The following UGT2A1 variants were observed in gnomAD, a reference collection of about 807,000 sequenced individuals.
The protein encoded by UGT2A1 is UDP glucuronosyltransferase family 2 member A1 complex locus, also known as UDP-glucuronosyltransferase 2A1.
UGT2A1 carries 61 observed loss-of-function variants against 45.4 expected under a neutral mutation model. The ratio of observed to expected loss-of-function variants is 1.34; its 90% CI spans 1.09 to 1.66. UGT2A1 has a LOEUF of 1.66. Among genes scored for constraint, UGT2A1 ranks in the 40% most tolerant of loss-of-function variants. The pLI, the probability that UGT2A1 is intolerant of heterozygous loss-of-function variation, is 0.00. For synonymous variants in UGT2A1, 229 were observed against 196.2 expected, an observed-to-expected ratio of 1.17 and a Z score of -1.40; for missense variants, 649 against 574.3, an observed-to-expected ratio of 1.13 and a Z score of -1.33.
In UGT2A1 at chr4:69,646,850, G is replaced by C. The variant is rs1394180624; in HGVS notation, c.715+80C>G. 4 of 980,242 alleles carry C rather than the reference G, an allele frequency of 4.1e-6. No homozygotes were observed. The African/African-American group carries it at 6.6e-5, about 16-fold the overall frequency. The allele number at this position is 980,242 out of a possible 1,614,324, so 60.7% of individuals were successfully genotyped here. A position where few individuals can be genotyped will look rare whatever the true frequency, so the allele number is the denominator to read the frequency against. ...CAATACTTGGAATTAAAAAAGAATA[G>C]ACATAGGGAAATAAAGAAGAGGCTC... On this transcript the variant is annotated intron_variant, in intron 2 of 6. Coordinates refer to ENST00000286604, the MANE Select transcript of UGT2A1 (RefSeq NM_001252275.3).
Position 69,594,651 on chromosome 4 carries a change from C to T in UGT2A1, c.1130G>A (p.Gly377Glu), listed in dbSNP as rs1409854105. The part of the protein sequence containing the change: ...KAFITHGGTN[G>E]IYEAIYHGVP... ...TCCGTGGTAAATAGCTTCGTAGATC[C>T]CATTAGTTCCACCATGAGTGATAAA... Residue 377 changes from glycine to glutamate, a missense_variant, in exon 6 of 7, where the codon GGG becomes GAG. Gly to Glu is a moderately conservative substitution (Grantham distance 98). Transcript: ENST00000286604. The T allele has an allele frequency of 6.2e-7, 1 of 1,614,010 alleles. No homozygotes were observed. The highest frequency in any genetic ancestry group is 8.5e-7 in the Non-Finnish European group (1 of 1,179,998).
intron 3 of UGT2A1, among the ~76,000 whole-genome samples, chr4:69,609,880 G>GA (rs1719929525): frequency 1.3e-5 from 2 of 152,030 alleles, no homozygotes; most frequent in Non-Finnish European, 1.5e-5. Flanking sequence ...AGAACTTGGG[G>GA]AAAAATAAAA....
At chr4:69,648,234 A>C (rs1378171523) in intron 1 of UGT2A1, among the ~76,000 whole-genome samples, 1 of 149,684 alleles carries the variant, frequency 6.7e-6, no homozygotes. Flanking sequence ...TAATACTTAT[A>C]AATAATATGT....
intron 4 of UGT2A1, among the ~76,000 whole-genome samples, chr4:69,597,883 T>C (rs1719033618): frequency 6.6e-6 from 1 of 152,176 alleles, no homozygotes; most frequent in Non-Finnish European, 1.5e-5. Flanking sequence ...GTATTCATAT[T>C]TCCCAAAGCC....
chr4:69,642,040 T>C (rs1054095894), intron 2 of UGT2A1, among the ~76,000 whole-genome samples: 1 of 151,758 alleles, frequency 6.6e-6, no homozygotes, highest in East Asian at 1.9e-4. Context: ...CATAAGGCAG[T>C]CACTCTCAGT....
At position 69,627,095 on chromosome 4, in the gene UGT2A1, T is replaced by C. The variant is rs114280839; in HGVS notation, c.847+8596A>G. The stretch of plus-strand genomic sequence containing the variant: ...TTACTGGAGTTTCATGTGTTTTCAA[T>C]GGACAAAGAGAGAAAATATATTTGC... On this transcript the variant is annotated intron_variant, in intron 3 of 6. Coordinates refer to ENST00000286604, the MANE Select transcript of UGT2A1 (RefSeq NM_001252275.3). Among the ~76,000 whole-genome samples the C allele has an allele frequency of 6.5e-3, 995 of 152,002 alleles. 12 individuals are homozygous for C. The highest frequency in any genetic ancestry group is 0.023 in the African/African-American group (947 of 41,530).
chr4:69,613,988 G>T (rs913253215), intron 3 of UGT2A1, among the ~76,000 whole-genome samples: 1 of 151,996 alleles, frequency 6.6e-6, no homozygotes, highest in East Asian at 1.9e-4. Context: ...GCAATTAGAC[G>T]AGTGAAAGAA....
chr4:69,643,921 C>T (rs1231582626), intron 2 of UGT2A1, among the ~76,000 whole-genome samples: 1 of 151,622 alleles, frequency 6.6e-6, no homozygotes, highest in Non-Finnish European at 1.5e-5. Flanking sequence ...TATCATTCTA[C>T]ATCCACAAAG....
chr4:69,625,412 A>G (rs972746179), intron 3 of UGT2A1, among the ~76,000 whole-genome samples: 7 of 151,064 alleles, frequency 4.6e-5, no homozygotes, highest in African/African-American at 1.7e-4. Context: ...TTGAAATAGT[A>G]TATGTTAGGA....
At chr4:69,616,446 A>G (rs1424081629) in intron 3 of UGT2A1, among the ~76,000 whole-genome samples, 2 of 151,988 alleles carry the variant, frequency 1.3e-5, no homozygotes, top group Admixed American at 6.6e-5. Context: ...TCCTGATTTG[A>G]TCATTACACA....
At chr4:69,602,663 CA>C (rs1295736583) in intron 3 of UGT2A1, among the ~76,000 whole-genome samples, 2 of 137,096 alleles carry the variant, frequency 1.5e-5, no homozygotes, top group Non-Finnish European at 3.1e-5. Flanking sequence ...ACTAAATTTC[CA>C]CTGAAAAACT....
At chr4:69,646,848 T>C in intron 2 of UGT2A1, 82 bp downstream of exon 2, 2 of 962,838 alleles carry the variant, frequency 2.1e-6, no homozygotes, top group East Asian at 2.5e-5. Context: ...TAAAAAAGAA[T>C]AGACATAGGG....
rs561297737 is a variant in UGT2A1 at position 69,593,915 on chromosome 4, A to C, written c.1304+562T>G. On this transcript the variant is annotated intron_variant, in intron 6 of 6. Transcript: ENST00000286604. ...GATTATCCAGAAAAAATGAGAATTTATATAATCATAGCATTCTTTATTTTG... is the reference window on the plus strand; with the variant it reads ...GATTATCCAGAAAAAATGAGAATTTCTATAATCATAGCATTCTTTATTTTG... 2.6e-3 allele frequency among the ~76,000 whole-genome samples: 387 copies of C among 151,318 alleles called. 1 individual carries two copies. Among genetic ancestry groups the C allele is most frequent in the African/African-American group, 8.9e-3 (368 of 41,296 alleles).
chr4:69,613,829 A>G (rs116356750), intron 3 of UGT2A1, among the ~76,000 whole-genome samples: 1,981 of 152,120 alleles, frequency 0.013, 42 homozygotes, highest in African/African-American at 0.045. Flanking sequence ...ACATAGCTCA[A>G]CATTATAAAA....
intron 1 of UGT2A1, among the ~76,000 whole-genome samples, chr4:69,650,344 T>C (rs1722466056): frequency 6.6e-6 from 1 of 152,090 alleles, no homozygotes; most frequent in Admixed American, 6.6e-5. Flanking sequence ...CAGTGGAAGA[T>C]AAGAAAAATA....
In UGT2A1 at chr4:69,595,230, C is replaced by T. The variant is rs757755456; in HGVS notation, c.1016G>A (p.Gly339Glu). The change falls in exon 5 of 7, where the codon GGA (glycine) becomes GAA (glutamate). Residue 339 changes from glycine (G) to glutamate (E), a missense_variant. Gly to Glu is a moderately conservative substitution (Grantham distance 98, BLOSUM62 -2). Coordinates refer to ENST00000286604, the MANE Select transcript of UGT2A1 (RefSeq NM_001252275.3). ...PLPKVLWRYK[G>E]KKPATLGNNT... ...GTTTCCTAATGTGGCTGGTTTCTTT[C>T]CTTTGTATCTCCATAAAACCTGTGG... is the stretch of plus-strand genomic sequence containing the variant. 1.1e-5 allele frequency: 18 copies of T among 1,613,582 alleles called. No individual in the cohort carries two copies. In the South Asian group the frequency reaches 1.9e-4, roughly 17 times the overall value.
At chr4:69,609,444 C>T (rs1296865865) in intron 3 of UGT2A1, among the ~76,000 whole-genome samples, 2 of 151,928 alleles carry the variant, frequency 1.3e-5, no homozygotes, top group Non-Finnish European at 2.9e-5. Flanking sequence ...AAGTGATATA[C>T]CTTGGCCTCC....
At position 69,594,555 on chromosome 4, in the gene UGT2A1, G is replaced by A; in HGVS notation, c.1226C>T (p.Ala409Val). The change falls in exon 6 of 7, where the codon GCA becomes GTA. Residue 409 changes from alanine (A) to valine (V), a missense_variant. Transcript: ENST00000286604. ...TGTGTTTAGGTTCACTTCCACAGCTGCTCCTTTGGCCTTCATGTGAGCAAT... is the reference window on the plus strand; with the variant it reads ...TGTGTTTAGGTTCACTTCCACAGCTACTCCTTTGGCCTTCATGTGAGCAAT... The part of the protein sequence containing the change: ...DNIAHMKAKG[A>V]AVEVNLNTMT... 1.2e-6 allele frequency: 2 copies of A among 1,614,154 alleles called. No individual in the cohort carries two copies. The highest frequency in any genetic ancestry group is 3.3e-5 in the Admixed American group (2 of 60,008).
At chr4:69,634,921 G>C (rs1247866344) in intron 3 of UGT2A1, among the ~76,000 whole-genome samples, 7 of 152,002 alleles carry the variant, frequency 4.6e-5, no homozygotes, top group Non-Finnish European at 8.8e-5. Context: ...TAACTGTTAA[G>C]AGATTTGTTT....
Sources: allele counts gnomAD v4.1 joint callset (sites outside exome capture counted in the v4.1 genomes callset), GRCh38; gene constraint gnomAD v4.1.1; transcripts MANE v1.5; gene names NCBI Gene and HGNC (gene_info 2026-07-23, HGNC 2026-07-21).